Variants in KIF26B observed in about 807,000 individuals in gnomAD.
KIF26B encodes the protein kinesin-like protein KIF26B.
Under a neutral mutation model 151.2 loss-of-function variants are expected in KIF26B, and 63 were observed. The observed-to-expected ratio is 0.42, with a 90% confidence interval of 0.34 to 0.51. The LOEUF (loss-of-function observed/expected upper bound fraction) is 0.51, where lower values mean the gene tolerates loss of function less well. Among genes scored for constraint, KIF26B ranks in the 20% least tolerant of loss-of-function variants. The probability of loss-of-function intolerance (pLI) is 0.07; values close to 1 mark genes in which losing one functional copy is unlikely to be tolerated. For synonymous variants in KIF26B, 1,357 were observed against 1,262.1 expected (o/e 1.08, Z -1.59); for missense variants, 2,813 against 2,913.6 (o/e 0.97, Z 0.79).
In KIF26B at chr1:245,362,269, C is replaced by T. The variant is rs148597642; in HGVS notation, c.466-4565C>T. On this transcript the variant is annotated intron_variant, in intron 2 of 14. Coordinates refer to ENST00000407071, the MANE Select transcript of KIF26B (RefSeq NM_018012.4). ...AAGGGCCGGGTGCGGTGGCTCATGCCGGTAATCCCAGCACGTTGGGAGGCC... is the reference window on the plus strand; with the variant it reads ...AAGGGCCGGGTGCGGTGGCTCATGCTGGTAATCCCAGCACGTTGGGAGGCC... 9.3e-4 allele frequency among the ~76,000 whole-genome samples: 139 copies of T among 150,114 alleles called. 1 individual carries two copies. Among genetic ancestry groups the T allele is most frequent in the African/African-American group, 3.2e-3 (130 of 40,744 alleles).
chr1:245,247,027 G>A (rs1670347412), intron 2 of KIF26B, among the ~76,000 whole-genome samples: 1 of 151,988 alleles, frequency 6.6e-6, no homozygotes, highest in African/African-American at 2.4e-5. Flanking sequence ...CACTGATGTA[G>A]ATTGTAAGTG....
chr1:245,440,030 G>A (rs567295631), intron 4 of KIF26B, among the ~76,000 whole-genome samples: 1 of 152,106 alleles, frequency 6.6e-6, no homozygotes, highest in African/African-American at 2.4e-5. Flanking sequence ...GACCATCCTG[G>A]CTAACACGGT....
chr1:245,194,226 A>C (rs1395692469), intron 2 of KIF26B, among the ~76,000 whole-genome samples: 1 of 152,112 alleles, frequency 6.6e-6, no homozygotes, highest in Non-Finnish European at 1.5e-5. Context: ...GCACAGTTTT[A>C]AAATTTGCCC....
At chr1:245,350,583 T>A (rs1361822861) in intron 2 of KIF26B, among the ~76,000 whole-genome samples, 2 of 149,684 alleles carry the variant, frequency 1.3e-5, no homozygotes, top group East Asian at 3.9e-4. Context: ...GTCTACCATA[T>A]GACCTGGGAC....
At chr1:245,696,230 C>A (rs1017519309) in intron 12 of KIF26B, among the ~76,000 whole-genome samples, 1 of 152,222 alleles carries the variant, frequency 6.6e-6, no homozygotes, top group Admixed American at 6.5e-5. Flanking sequence ...GTGCTGGGTG[C>A]CCCTCTTGCT....
intron 4 of KIF26B, among the ~76,000 whole-genome samples, chr1:245,487,585 A>G (rs535686802): frequency 9.9e-5 from 15 of 151,532 alleles, no homozygotes; most frequent in African/African-American, 3.4e-4. Flanking sequence ...TGAGGCCTGA[A>G]CTCTCTTCTA....
intron 9 of KIF26B, among the ~76,000 whole-genome samples, chr1:245,633,964 C>T (rs1032202564): frequency 1.3e-5 from 2 of 152,132 alleles, no homozygotes; most frequent in African/African-American, 4.8e-5. Context: ...TGACATCATA[C>T]CCAGCTAATT....
intron 2 of KIF26B, among the ~76,000 whole-genome samples, chr1:245,161,568 G>GTAA (rs1000044178): frequency 2.0e-5 from 3 of 152,084 alleles, no homozygotes; most frequent in African/African-American, 4.8e-5. Context: ...AGCGATGATA[G>GTAA]TAATAATAAT....
At chr1:245,436,006 G>C (rs527281014) in intron 4 of KIF26B, among the ~76,000 whole-genome samples, 1 of 152,002 alleles carries the variant, frequency 6.6e-6, no homozygotes, top group South Asian at 2.1e-4. Flanking sequence ...ACAAAACCCC[G>C]TCCCTACTAA....
At chr1:245,215,947 G>A (rs886464940) in intron 2 of KIF26B, among the ~76,000 whole-genome samples, 1 of 152,178 alleles carries the variant, frequency 6.6e-6, no homozygotes, top group Middle Eastern at 3.4e-3. Flanking sequence ...CGAAGTCAAA[G>A]CTGGGTTCAG....
chr1:245,308,552 C>A (rs1009181934), intron 2 of KIF26B, among the ~76,000 whole-genome samples: 1 of 152,118 alleles, frequency 6.6e-6, no homozygotes, highest in South Asian at 2.1e-4. Flanking sequence ...CATAGTGAGA[C>A]CTTGCTTCTA....
At chr1:245,290,155 G>C (rs534852319) in intron 2 of KIF26B, among the ~76,000 whole-genome samples, 1 of 149,996 alleles carries the variant, frequency 6.7e-6, no homozygotes, top group South Asian at 2.1e-4. Flanking sequence ...GCATTCAGTA[G>C]GTGCTTAATC....
chr1:245,701,680 C>A (rs1320634319), intron 14 of KIF26B, among the ~76,000 whole-genome samples: 1 of 152,178 alleles, frequency 6.6e-6, no homozygotes, highest in East Asian at 1.9e-4. Context: ...GGGCAGGCAG[C>A]GTAGGAGTTA....
chr1:245,248,269 G>A (rs1186184582), intron 2 of KIF26B, among the ~76,000 whole-genome samples: 2 of 152,146 alleles, frequency 1.3e-5, no homozygotes, highest in African/African-American at 4.8e-5. Flanking sequence ...AGGACTTTTT[G>A]CAGGGAGCTG....
At chr1:245,217,534 T>G (rs564332469) in intron 2 of KIF26B, among the ~76,000 whole-genome samples, 6 of 152,008 alleles carry the variant, frequency 3.9e-5, no homozygotes, top group Admixed American at 2.0e-4. Flanking sequence ...CCAGCTATTT[T>G]TTTTTGTATT....
intron 9 of KIF26B, among the ~76,000 whole-genome samples, chr1:245,642,815 G>C (rs533058392): frequency 6.8e-4 from 103 of 152,270 alleles, no homozygotes; most frequent in Admixed American, 1.8e-3. Flanking sequence ...TCTGATTACA[G>C]AGAGAGGGTC....
Position 245,360,034 on chromosome 1 carries a change from G to A in KIF26B, c.466-6800G>A, listed in dbSNP as rs1363919955. Among the ~76,000 whole-genome samples the A allele has an allele frequency of 2.6e-5, 4 of 151,734 alleles. No homozygotes were observed. In the South Asian group the frequency reaches 6.3e-4, roughly 24 times the overall value. ...ATTACAGGCACCTACCACCATGCCC[G>A]GCTAATTTTTTTATTTTTAGGAGAG... On this transcript the variant is annotated intron_variant, in intron 2 of 14. Coordinates refer to ENST00000407071, the MANE Select transcript of KIF26B (RefSeq NM_018012.4).
At chr1:245,287,494 CTCTCTTTTTTTTT>C (rs1443325624) in intron 2 of KIF26B, among the ~76,000 whole-genome samples, 8 of 113,172 alleles carry the variant, frequency 7.1e-5, no homozygotes, top group Non-Finnish European at 1.4e-4. Flanking sequence ...TCATCTCTCT[CTCTCTTTTTTTTT>C]TTTTTTTTTT....
At chr1:245,464,981 CTTT>C (rs34890904) in intron 4 of KIF26B, among the ~76,000 whole-genome samples, 58 of 136,468 alleles carry the variant, frequency 4.3e-4, no homozygotes, top group Non-Finnish European at 6.1e-4. Flanking sequence ...TACCTCATGC[CTTT>C]TTTTTTTTTT....
Sources: gnomAD v4.1 joint callset for allele counts (sites outside exome capture counted in the v4.1 genomes callset) on GRCh38, gnomAD v4.1.1 for gene constraint, MANE v1.5 for transcripts, NCBI Gene and HGNC (gene_info 2026-07-23, HGNC 2026-07-21) for gene names.